The following MIAT variants were observed in gnomAD, a reference collection of about 807,000 sequenced individuals.
The protein encoded by MIAT is MI related novel mRNA.
intron 2 of MIAT, among the ~76,000 whole-genome samples, chr22:26,649,083 A>T (rs1207149339): frequency 2.6e-5 from 4 of 151,296 alleles, no homozygotes; most frequent in Admixed American, 6.6e-5. Flanking sequence ...TACTAATGTG[A>T]GAGAGAGAGA....
At chr22:26,675,600 C>T in exon 5 of MIAT, 2 of 398,628 alleles carry the variant, frequency 5.0e-6, no homozygotes, top group Non-Finnish European at 4.4e-6. Flanking sequence ...GGAAGTATCT[C>T]TGCAATGACT....
chr22:26,671,000 T>C (rs1347078088), downstream of MIAT: 3 of 396,812 alleles, frequency 7.6e-6, no homozygotes, highest in Non-Finnish European at 1.3e-5. Context: ...AGGCCAATAG[T>C]TGGAGAAACT....
chr22:26,668,368 G>A (rs1370147561), exon 6 of MIAT: 1 of 398,776 alleles, frequency 2.5e-6, no homozygotes, highest in African/African-American at 2.1e-5. Context: ...ATGCTCAGCA[G>A]ATGACTGATC....
At chr22:26,656,471 C>A (rs573498988) in intron 2 of MIAT, among the ~76,000 whole-genome samples, 1 of 150,754 alleles carries the variant, frequency 6.6e-6, no homozygotes, top group East Asian at 2.0e-4. Flanking sequence ...ATTACAGGCA[C>A]CCGCCACCAC....
At chr22:26,673,664 C>G, downstream of MIAT, 1 of 213,844 alleles carries the variant, frequency 4.7e-6, no homozygotes, top group Non-Finnish European at 7.9e-6. Flanking sequence ...TTGGCTAACA[C>G]AGGTTTGAAC....
chr22:26,653,846 T>A (rs1341472698), intron 2 of MIAT, among the ~76,000 whole-genome samples: 10 of 152,154 alleles, frequency 6.6e-5, no homozygotes, highest in Admixed American at 6.6e-4. Flanking sequence ...TTCAAGTGAT[T>A]CTCCTGCCTC....
At chr22:26,652,655 C>A (rs1555947415) in intron 2 of MIAT, among the ~76,000 whole-genome samples, 1 of 152,064 alleles carries the variant, frequency 6.6e-6, no homozygotes, top group Non-Finnish European at 1.5e-5. Flanking sequence ...TGCGCCTGGC[C>A]CTCTCTCTCT....
At chr22:26,672,859 A>T (rs1931104499), downstream of MIAT, 3 of 398,460 alleles carry the variant, frequency 7.5e-6, no homozygotes, top group Non-Finnish European at 1.3e-5. Flanking sequence ...AACATTTCTC[A>T]TATTTGAAGG....
intron 2 of MIAT, among the ~76,000 whole-genome samples, chr22:26,661,917 CATATATATATATATAT>C (rs58654108): frequency 0.027 from 2,163 of 80,346 alleles, 90 homozygotes; most frequent in African/African-American, 0.073. Flanking sequence ...TATATAGATC[CATATATATATATATAT>C]ATATATATAT....
chr22:26,673,552 T>C (rs1931143481), downstream of MIAT: 1 of 398,630 alleles, frequency 2.5e-6, no homozygotes, highest in South Asian at 1.3e-4. Flanking sequence ...AAACTAATGG[T>C]TTGTGGATTT....
At chr22:26,673,758 A>G (rs2146022341), downstream of MIAT, 1 of 398,710 alleles carries the variant, frequency 2.5e-6, no homozygotes, top group Admixed American at 4.4e-5. Context: ...CTGAGTCAGA[A>G]CAATCAGAAG....
intron 3 of MIAT, among the ~76,000 whole-genome samples, chr22:26,664,215 T>C (rs1340884649): frequency 2.0e-5 from 3 of 152,088 alleles, no homozygotes; most frequent in African/African-American, 7.2e-5. Flanking sequence ...CTTTGCCGTG[T>C]TGGCCAGGCT....
At chr22:26,670,280 G>A (rs1446279921), downstream of MIAT, 3 of 398,296 alleles carry the variant, frequency 7.5e-6, no homozygotes, top group Non-Finnish European at 1.3e-5. Context: ...CCTTTCCCGT[G>A]CTAGCCATTT....
chr22:26,652,450 C>T (rs1028822488), intron 2 of MIAT, among the ~76,000 whole-genome samples: 1 of 152,056 alleles, frequency 6.6e-6, no homozygotes, highest in Non-Finnish European at 1.5e-5. Flanking sequence ...CTCCAACTCC[C>T]GGGTTCAAGC....
At chr22:26,675,177 G>A in exon 5 of MIAT, 1 of 398,938 alleles carries the variant, frequency 2.5e-6, no homozygotes, top group Non-Finnish European at 4.4e-6. Context: ...TTCTGGAGAG[G>A]GAGGCATCTA....
intron 5 of MIAT, chr22:26,667,451 G>C: frequency 2.5e-6 from 1 of 394,330 alleles, no homozygotes; most frequent in Non-Finnish European, 4.5e-6. Context: ...TGTATGTTGG[G>C]GGTGGTGGTG....
chr22:26,672,034 A>G (rs1931064181), downstream of MIAT: 1 of 398,946 alleles, frequency 2.5e-6, no homozygotes, highest in African/African-American at 2.1e-5. Flanking sequence ...TTGTTCGATT[A>G]CTAACCCGTC....
At chr22:26,668,817 G>C (rs1569223407) in exon 6 of MIAT, 1 of 398,776 alleles carries the variant, frequency 2.5e-6, no homozygotes, top group South Asian at 1.3e-4. Flanking sequence ...CAGGATCTGG[G>C]AGGAGCTGGA....
At chr22:26,668,993 GTC>G (rs908287000) in exon 6 of MIAT, 11 of 398,538 alleles carry the variant, frequency 2.8e-5, no homozygotes, top group Non-Finnish European at 4.4e-5. Flanking sequence ...AAGGGAACCA[GTC>G]TTACCCAAAG....
Sources: gnomAD v4.1 joint callset for allele counts (sites outside exome capture counted in the v4.1 genomes callset) on GRCh38, gnomAD v4.1.1 for gene constraint, MANE v1.5 for transcripts, NCBI Gene and HGNC (gene_info 2026-07-23, HGNC 2026-07-21) for gene names.